Variants in METTL25 observed in about 807,000 individuals in gnomAD.
The protein encoded by METTL25 is probable methyltransferase-like protein 25.
In METTL25, 64 loss-of-function variants were observed where a neutral mutation model predicts 71.6. The ratio of observed to expected loss-of-function variants is 0.89; its 90% CI spans 0.73 to 1.10. The LOEUF (loss-of-function observed/expected upper bound fraction) is 1.10. METTL25 is among the 50% of genes least tolerant of loss of function. METTL25 has a pLI of 0.00. For synonymous variants in METTL25, 287 were observed against 250.3 expected (o/e 1.15, Z -1.38); for missense variants, 807 against 707.0 (o/e 1.14, Z -1.60).
At chr12:82,423,532 A>G (rs1286229118) in intron 5 of METTL25, among the ~76,000 whole-genome samples, 1 of 152,230 alleles carries the variant, frequency 6.6e-6, no homozygotes, top group Non-Finnish European at 1.5e-5. Context: ...AAAAGCCAAA[A>G]TTGACAAATG....
chr12:82,407,207 G>A (rs995559876), intron 5 of METTL25, among the ~76,000 whole-genome samples: 4 of 152,182 alleles, frequency 2.6e-5, no homozygotes, highest in South Asian at 2.1e-4. Flanking sequence ...AAGGAAATTA[G>A]TTGAAGAGAA....
At chr12:82,446,656 G>A (rs542208746) in intron 8 of METTL25, among the ~76,000 whole-genome samples, 20 of 142,062 alleles carry the variant, frequency 1.4e-4, no homozygotes, top group Admixed American at 3.0e-4. Flanking sequence ...TCGCTCTGTC[G>A]CCCAGGCTGG....
chr12:82,472,727 T>C (rs1258682786), intron 9 of METTL25, among the ~76,000 whole-genome samples: 1 of 152,212 alleles, frequency 6.6e-6, no homozygotes, highest in Non-Finnish European at 1.5e-5. Flanking sequence ...CTTTAATTTC[T>C]CATTCTGGAT....
intron 9 of METTL25, among the ~76,000 whole-genome samples, chr12:82,464,843 C>T (rs547431377): frequency 6.6e-6 from 1 of 151,136 alleles, no homozygotes; most frequent in Non-Finnish European, 1.5e-5. Context: ...TAAATTTATT[C>T]GTATATATTT....
intron 2 of METTL25, among the ~76,000 whole-genome samples, chr12:82,387,887 T>C (rs1453631348): frequency 6.6e-6 from 1 of 152,158 alleles, no homozygotes; most frequent in East Asian, 1.9e-4. Context: ...AGTAATATTG[T>C]GTAATAAGCA....
At chr12:82,476,007 A>G (rs563476648) in intron 9 of METTL25, among the ~76,000 whole-genome samples, 13 of 152,208 alleles carry the variant, frequency 8.5e-5, no homozygotes, top group African/African-American at 2.9e-4. Context: ...TATTATGACA[A>G]TAATGTAACT....
chr12:82,443,093 C>G (rs1890474526), intron 8 of METTL25, among the ~76,000 whole-genome samples: 1 of 151,588 alleles, frequency 6.6e-6, no homozygotes, highest in South Asian at 2.1e-4. Context: ...ATATTAACTG[C>G]AGTCTGAGAA....
intron 5 of METTL25, among the ~76,000 whole-genome samples, chr12:82,420,905 G>C (rs1373722780): frequency 6.6e-6 from 1 of 151,976 alleles, no homozygotes; most frequent in African/African-American, 2.4e-5. Flanking sequence ...ACCCAGGCTG[G>C]AGTGCAGTGG....
At chr12:82,394,882 A>G (rs1319749531) in intron 3 of METTL25, among the ~76,000 whole-genome samples, 1 of 151,856 alleles carries the variant, frequency 6.6e-6, no homozygotes, top group Non-Finnish European at 1.5e-5. Flanking sequence ...TCTAGAGGAA[A>G]AACTTTTCTT....
chr12:82,414,790 A>G (rs1887834744), intron 5 of METTL25, among the ~76,000 whole-genome samples: 1 of 152,260 alleles, frequency 6.6e-6, no homozygotes, highest in South Asian at 2.1e-4. Flanking sequence ...TTGATACTGT[A>G]GCTAAGCAAA....
At chr12:82,437,055 G>A (rs930942137) in intron 7 of METTL25, among the ~76,000 whole-genome samples, 3 of 151,526 alleles carry the variant, frequency 2.0e-5, no homozygotes, top group African/African-American at 4.8e-5. Context: ...AGAGATTTTG[G>A]TGCTGTAGAA....
chr12:82,364,384 A>G (rs1882323706), intron 1 of METTL25, among the ~76,000 whole-genome samples: 1 of 152,184 alleles, frequency 6.6e-6, no homozygotes, highest in African/African-American at 2.4e-5. Context: ...AACTTTTCCT[A>G]CGGGGATGCT....
At chr12:82,417,809 T>C (rs899913034) in intron 5 of METTL25, among the ~76,000 whole-genome samples, 2 of 152,006 alleles carry the variant, frequency 1.3e-5, no homozygotes, top group Admixed American at 1.3e-4. Context: ...AGGCATGCTG[T>C]TTTATATAGG....
intron 5 of METTL25, among the ~76,000 whole-genome samples, chr12:82,426,296 C>T (rs756096464): frequency 2.6e-5 from 4 of 151,992 alleles, no homozygotes; most frequent in African/African-American, 4.8e-5. Flanking sequence ...TGATCTCAGC[C>T]GCAAAGGAAA....
chr12:82,386,155 T>G (rs1332721575), intron 1 of METTL25, among the ~76,000 whole-genome samples: 1 of 152,138 alleles, frequency 6.6e-6, no homozygotes, highest in Non-Finnish European at 1.5e-5. Flanking sequence ...ATAACCTGAT[T>G]CGTTTTGGAA....
intron 6 of METTL25, among the ~76,000 whole-genome samples, chr12:82,433,305 C>T (rs1277218733): frequency 1.3e-5 from 2 of 151,264 alleles, no homozygotes. Flanking sequence ...AAAATCTAAT[C>T]TGAAATTAGC....
chr12:82,389,436 G>T (rs1288453049), intron 2 of METTL25, among the ~76,000 whole-genome samples: 1 of 151,934 alleles, frequency 6.6e-6, no homozygotes, highest in Non-Finnish European at 1.5e-5. Context: ...TTGATTTATA[G>T]GAGTTTGTTT....
chr12:82,374,587 C>T (rs1270094939), intron 1 of METTL25, among the ~76,000 whole-genome samples: 1 of 152,134 alleles, frequency 6.6e-6, no homozygotes, highest in African/African-American at 2.4e-5. Context: ...TCCTCTAGCT[C>T]AATAGAAAAG....
chr12:82,373,017 C>T (rs1023185953), intron 1 of METTL25, among the ~76,000 whole-genome samples: 16 of 152,150 alleles, frequency 1.1e-4, no homozygotes, highest in Non-Finnish European at 1.6e-4. Flanking sequence ...CCCTTACCGA[C>T]GCATTCTCGA....
Sources: gnomAD v4.1 joint callset for allele counts (sites outside exome capture counted in the v4.1 genomes callset) on GRCh38, gnomAD v4.1.1 for gene constraint, MANE v1.5 for transcripts, NCBI Gene and HGNC (gene_info 2026-07-23, HGNC 2026-07-21) for gene names.